PPARA: variants seen among roughly 807,000 people sequenced by gnomAD.
PPARA encodes the protein peroxisome proliferator-activated receptor alpha.
In PPARA, 22 loss-of-function variants were observed where a neutral mutation model predicts 42.2. That is an observed-to-expected ratio of 0.52 (90% confidence interval 0.37 to 0.74). The LOEUF (loss-of-function observed/expected upper bound fraction) is 0.74, where lower values mean the gene tolerates loss of function less well. PPARA is among the 30% of genes least tolerant of loss of function. The probability of loss-of-function intolerance (pLI) is 0.00; values close to 1 mark genes in which losing one functional copy is unlikely to be tolerated. For synonymous variants in PPARA, 242 were observed against 239.3 expected (o/e 1.01, Z -0.10); for missense variants, 465 against 608.2 (o/e 0.76, Z 2.48).
chr22:46,204,362 A>G lies in PPARA; in HGVS notation c.208+5771A>G, dbSNP rs1389563354. Among the ~76,000 whole-genome samples, 1 of 152,250 alleles carries G rather than the reference A, an allele frequency of 6.6e-6. No individual in the cohort carries two copies. The highest frequency in any genetic ancestry group is 1.5e-5 in the Non-Finnish European group (1 of 68,044). ...TTTCATTTCTTTTGAATAAATACCT[A>G]GGAGTATGACGGCTGGAACAGATGG... On this transcript the variant is annotated intron_variant, in intron 4 of 8. Transcript: ENST00000407236. The surrounding 1 kb of genome is among the most constrained non-coding windows in gnomAD (Gnocchi z 5.2).
chr22:46,218,853 AAAG>A, intron 6 of PPARA, among the ~76,000 whole-genome samples: 1 of 126,722 alleles, frequency 7.9e-6, no homozygotes, highest in African/African-American at 4.2e-5. Context: ...AAAAAAAGAA[AAAG>A]AAAGAAAGAA....
chr22:46,178,446 G>A, intron 3 of PPARA, among the ~76,000 whole-genome samples: 1 of 152,228 alleles, frequency 6.6e-6, no homozygotes, highest in East Asian at 1.9e-4. Context: ...GGTGAGAGGT[G>A]TGGCTTGAGA....
At chr22:46,181,686 A>C (rs1375594135) in intron 3 of PPARA, among the ~76,000 whole-genome samples, 3 of 152,160 alleles carry the variant, frequency 2.0e-5, no homozygotes, top group Non-Finnish European at 2.9e-5. Context: ...ATGATTGGTC[A>C]TATATTTAGG....
chr22:46,240,452 T>A lies in PPARA; in HGVS notation c.*5072T>A, dbSNP rs2147746379. ...CCTGCAGCCTTGTCCTCAGCTCCCA[T>A]CTCCTGGACTGCCAGCCTCACCCTC... On this transcript the variant is annotated 3_prime_UTR_variant, in exon 9 of 9. Coordinates refer to ENST00000407236, the MANE Select transcript of PPARA (RefSeq NM_005036.6). The surrounding 1 kb of genome is among the most constrained non-coding windows in gnomAD (Gnocchi z 6.0). The A allele has an allele frequency of 2.5e-6, 1 of 393,118 alleles. No individual in the cohort carries two copies. Among genetic ancestry groups the A allele is most frequent in the Admixed American group, 4.4e-5 (1 of 22,574 alleles). 24.4% of individuals were successfully genotyped at this position (393,118 alleles called of 1,614,324 possible).
At chr22:46,206,464 A>G (rs1180039283) in intron 4 of PPARA, among the ~76,000 whole-genome samples, 5 of 152,130 alleles carry the variant, frequency 3.3e-5, no homozygotes, top group Non-Finnish European at 5.9e-5. Flanking sequence ...TTGGCTTATT[A>G]TTTATAACAC....
chr22:46,179,545 C>T (rs140846277), intron 3 of PPARA, among the ~76,000 whole-genome samples: 2 of 151,982 alleles, frequency 1.3e-5, no homozygotes, highest in East Asian at 3.9e-4. Context: ...TGCCTCATGC[C>T]ATACACAAAA....
chr22:46,242,731 G>GCGCACACA lies in PPARA; in HGVS notation c.*7352_*7353insGCACACAC, dbSNP rs10643430. The GCGCACACA allele has an allele frequency of 9.0e-5, 12 of 132,700 alleles. No homozygotes were observed. Among genetic ancestry groups the GCGCACACA allele is most frequent in the Non-Finnish European group, 1.6e-4 (9 of 56,080 alleles). 8.2% of individuals were successfully genotyped at this position (132,700 alleles called of 1,614,324 possible). A position where few individuals can be genotyped will look rare whatever the true frequency, so the allele number is the denominator to read the frequency against. ...AAATACACTGCGTACACGTGTGCGTGCACACACACACACACACACACACAC... is the reference window on the plus strand; with the variant it reads ...AAATACACTGCGTACACGTGTGCGTGCGCACACACACACACACACACACACACACACAC... On this transcript the variant is annotated 3_prime_UTR_variant, in exon 9 of 9. Transcript: ENST00000407236. This position sits in a 1 kb window ranked among gnomAD's most constrained non-coding sequence, Gnocchi z 6.1.
In PPARA at chr22:46,200,739, A is replaced by G. The variant is rs1468356679; in HGVS notation, c.208+2148A>G. Among the ~76,000 whole-genome samples, 1 of 151,644 alleles carries G rather than the reference A, an allele frequency of 6.6e-6. No individual in the cohort carries two copies. The highest frequency in any genetic ancestry group is 1.9e-4 in the East Asian group (1 of 5,178). The stretch of plus-strand genomic sequence containing the variant: ...AAGACCAGTCTGGCCAACATGGCAA[A>G]ACCCCATCTCTACTAAAGAATACAA... On this transcript the variant is annotated intron_variant, in intron 4 of 8. Coordinates refer to ENST00000407236, the MANE Select transcript of PPARA (RefSeq NM_005036.6). The surrounding 1 kb of genome is among the most constrained non-coding windows in gnomAD (Gnocchi z 4.8).
At chr22:46,229,156 T>C (rs533189942) in intron 7 of PPARA, among the ~76,000 whole-genome samples, 4 of 151,854 alleles carry the variant, frequency 2.6e-5, no homozygotes, top group African/African-American at 7.2e-5. Flanking sequence ...GAATGTACTT[T>C]AGAAAGATTG....
rs917764638 is a variant in PPARA, at chr22:46,192,747, T to C, written c.-42-5595T>C. Reference sequence around the variant, plus strand: ...ACCTAAGTGTCCATCACCAGACAAATAGATAAAGGAAATGTGATATATATA... The same window carrying C: ...ACCTAAGTGTCCATCACCAGACAAACAGATAAAGGAAATGTGATATATATA... On this transcript the variant is annotated intron_variant, in intron 3 of 8. Coordinates refer to ENST00000407236, the MANE Select transcript of PPARA (RefSeq NM_005036.6). This position sits in a 1 kb window ranked among gnomAD's most constrained non-coding sequence, Gnocchi z 4.3. 2.0e-5 allele frequency among the ~76,000 whole-genome samples: 3 copies of C among 152,120 alleles called. No homozygotes were observed. The highest frequency in any genetic ancestry group is 3.4e-3 in the Middle Eastern group (1 of 294).
At position 46,216,441 on chromosome 22, in the gene PPARA, G is replaced by C. The variant is rs1003821998; in HGVS notation, c.369+1108G>C. Among the ~76,000 whole-genome samples the C allele has an allele frequency of 2.0e-5, 3 of 151,824 alleles. No homozygotes were observed. Among genetic ancestry groups the C allele is most frequent in the East Asian group, 1.9e-4 (1 of 5,194 alleles). On this transcript the variant is annotated intron_variant, in intron 5 of 8. Transcript: ENST00000407236. This position sits in a 1 kb window ranked among gnomAD's most constrained non-coding sequence, Gnocchi z 4.5. ...CCACATTAAGAACATCACTTCATTC[G>C]AATACAAGACAGAGAGCTGTTACCG...
intron 3 of PPARA, among the ~76,000 whole-genome samples, chr22:46,177,168 G>A (rs558065264): frequency 2.6e-5 from 4 of 152,180 alleles, no homozygotes; most frequent in South Asian, 2.1e-4. Context: ...CCAAGATCAC[G>A]CCACTGCACT....
chr22:46,157,373 C>T (rs372709296), intron 2 of PPARA, among the ~76,000 whole-genome samples: 10 of 152,144 alleles, frequency 6.6e-5, no homozygotes, highest in Non-Finnish European at 1.3e-4. Flanking sequence ...ATGGCCCGCT[C>T]CATCCCACCG....
At chr22:46,199,827 G>A (rs953275404) in intron 4 of PPARA, among the ~76,000 whole-genome samples, 6 of 152,088 alleles carry the variant, frequency 3.9e-5, no homozygotes, top group Non-Finnish European at 7.4e-5. Context: ...AGCTCAAGCA[G>A]TTCTCCTGCC....
At chr22:46,175,479 C>T (rs1222946155) in intron 2 of PPARA, among the ~76,000 whole-genome samples, 5 of 151,440 alleles carry the variant, frequency 3.3e-5, no homozygotes, top group African/African-American at 4.9e-5. Flanking sequence ...TTTGGGAGGC[C>T]GAGGCAGGCG....
intron 2 of PPARA, among the ~76,000 whole-genome samples, chr22:46,153,186 T>TG (rs1924728001): frequency 6.9e-6 from 1 of 145,026 alleles, no homozygotes; most frequent in Non-Finnish European, 1.5e-5. Flanking sequence ...TTTTTTTTTT[T>TG]GTGACAGAGT....
Position 46,212,822 on chromosome 22 carries a change from G to A in PPARA, c.209-2351G>A, listed in dbSNP as rs947716586. On this transcript the variant is annotated intron_variant, in intron 4 of 8. Transcript: ENST00000407236. This position sits in a 1 kb window ranked among gnomAD's most constrained non-coding sequence, Gnocchi z 4.2. ...ACCAGCCTGGCCAACATGGTGAAAC[G>A]CTGTCTCTACTAAAAATACAAAAAT... is the stretch of plus-strand genomic sequence containing the variant. Among the ~76,000 whole-genome samples, 4 of 151,910 alleles carry A rather than the reference G, an allele frequency of 2.6e-5. No individual in the cohort carries two copies. The highest frequency in any genetic ancestry group is 1.9e-4 in the East Asian group (1 of 5,162).
At chr22:46,220,450 G>T (rs1437588557) in intron 7 of PPARA, 1 of 270,258 alleles carries the variant, frequency 3.7e-6, no homozygotes, top group Non-Finnish European at 7.2e-6. Flanking sequence ...AAGGAGCTGG[G>T]ACTACAGGTG....
At chr22:46,220,194 C>A in intron 7 of PPARA, 180 bp downstream of exon 7, 1 of 769,016 alleles carries the variant, frequency 1.3e-6, no homozygotes, top group South Asian at 1.5e-5. Flanking sequence ...ACAACAACTC[C>A]TTTCTTCTTG....
Sources: allele counts gnomAD v4.1 joint callset (sites outside exome capture counted in the v4.1 genomes callset), GRCh38; gene constraint gnomAD v4.1.1; non-coding constraint Gnocchi (gnomAD v3.1); transcripts MANE v1.5; gene names NCBI Gene and HGNC (gene_info 2026-07-23, HGNC 2026-07-21).